Variants in GPM6B observed in about 807,000 individuals in gnomAD.
The protein encoded by GPM6B is neuronal membrane glycoprotein M6-b.
Under a neutral mutation model 27.2 loss-of-function variants are expected in GPM6B, and 4 were observed. The observed-to-expected ratio is 0.15, with a 90% CI of 0.07 to 0.34. The LOEUF is 0.34. Among genes scored for constraint, GPM6B ranks in the 10% least tolerant of loss-of-function variants. The probability of loss-of-function intolerance (pLI) is 1.00; values close to 1 mark genes in which losing one functional copy is unlikely to be tolerated. For missense variants in GPM6B, 183 were observed against 261.9 expected, an observed-to-expected ratio of 0.70 and a Z score of 2.08; for synonymous variants, 124 against 103.1, an observed-to-expected ratio of 1.20 and a Z score of -1.23.
At chrX:13,852,120 A>G (rs1002706696) in intron 1 of GPM6B, among the ~76,000 whole-genome samples, 3 of 110,887 alleles carry the variant, frequency 2.7e-5, no homozygotes, top group Admixed American at 9.6e-5. Context: ...AGAATAGTCA[A>G]TATTTTAGGT....
chrX:13,810,879 A>G lies in GPM6B; in HGVS notation c.62-3110T>C, dbSNP rs577058847. ...TTACAACAGTAAATCTTTAGATATG[A>G]AAGAAAAGAAAAATCACTTCTATTT... On this transcript the variant is annotated intron_variant, in intron 1 of 7. Transcript: ENST00000316715. 3.5e-4 allele frequency among the ~76,000 whole-genome samples: 39 copies of G among 111,977 alleles called. No individual in the cohort carries two copies. The South Asian group carries it at 0.014, about 41-fold the overall frequency.
chrX:13,866,750 A>G (rs554550153), intron 1 of GPM6B, among the ~76,000 whole-genome samples: 11 of 112,179 alleles, frequency 9.8e-5, no homozygotes, highest in South Asian at 7.5e-4. Flanking sequence ...TCCCAAATTG[A>G]TTAGAAGATA....
intron 1 of GPM6B, among the ~76,000 whole-genome samples, chrX:13,866,138 C>T (rs764055882): frequency 1.9e-3 from 215 of 111,553 alleles, no homozygotes; most frequent in African/African-American, 5.9e-3. Context: ...CTGAGGCTGG[C>T]GGATCACCTG....
chrX:13,852,123 T>C (rs1443063940), intron 1 of GPM6B, among the ~76,000 whole-genome samples: 1 of 110,686 alleles, frequency 9.0e-6, no homozygotes, highest in African/African-American at 3.3e-5. Context: ...ATAGTCAATA[T>C]TTTAGGTTTT....
At chrX:13,801,800 G>C (rs771147105) in intron 2 of GPM6B, among the ~76,000 whole-genome samples, 129 of 111,410 alleles carry the variant, frequency 1.2e-3, no homozygotes, top group Non-Finnish European at 2.2e-3. Context: ...TTCACCCCTA[G>C]AGCTGGTCCT....
chrX:13,826,502 C>G (rs966663742), intron 1 of GPM6B, among the ~76,000 whole-genome samples: 1 of 110,621 alleles, frequency 9.0e-6, no homozygotes. Context: ...CCTAGGAGTT[C>G]AAGACCAGCC....
At chrX:13,920,312 A>G (rs1178318345) in intron 1 of GPM6B, among the ~76,000 whole-genome samples, 1 of 79,984 alleles carries the variant, frequency 1.3e-5, no homozygotes, top group Non-Finnish European at 2.9e-5. Flanking sequence ...AAAAAAAAAG[A>G]AAGAAAAATA....
intron 1 of GPM6B, among the ~76,000 whole-genome samples, chrX:13,858,317 A>C (rs1385505562): frequency 1.8e-5 from 2 of 111,746 alleles, no homozygotes; most frequent in Admixed American, 9.5e-5. Flanking sequence ...TCTGAAGTTC[A>C]TAATTCTCAG....
chrX:13,899,405 C>CAAA (rs58085220), intron 1 of GPM6B, among the ~76,000 whole-genome samples: 6 of 36,315 alleles, frequency 1.7e-4, no homozygotes, highest in African/African-American at 4.1e-4. Flanking sequence ...GACTCTGTCT[C>CAAA]AAAAAAAAAA....
At chrX:13,774,964 G>A (rs553095843) in intron 7 of GPM6B, among the ~76,000 whole-genome samples, 1 of 112,013 alleles carries the variant, frequency 8.9e-6, no homozygotes, top group East Asian at 2.8e-4. Context: ...TCAGCAGCAG[G>A]CAGTTATCTT....
intron 1 of GPM6B, among the ~76,000 whole-genome samples, chrX:13,837,829 C>A (rs953939035): frequency 1.8e-4 from 19 of 106,692 alleles, no homozygotes; most frequent in Admixed American, 3.1e-4. Flanking sequence ...TTTGTTGTAG[C>A]AAGCCTTCCC....
At chrX:13,884,089 A>G (rs989020068) in intron 1 of GPM6B, among the ~76,000 whole-genome samples, 3 of 109,238 alleles carry the variant, frequency 2.7e-5, no homozygotes, top group Non-Finnish European at 5.7e-5. Context: ...GAGACAGGAG[A>G]ATGGCTTGAA....
chrX:13,794,111 G>T (rs186995809), intron 2 of GPM6B, among the ~76,000 whole-genome samples: 3 of 111,074 alleles, frequency 2.7e-5, no homozygotes, highest in Non-Finnish European at 5.7e-5. Flanking sequence ...GTTGCCACAG[G>T]TATTTACTAT....
intron 1 of GPM6B, among the ~76,000 whole-genome samples, chrX:13,836,933 A>G (rs960110545): frequency 6.2e-5 from 7 of 112,553 alleles, no homozygotes; most frequent in African/African-American, 2.3e-4. Flanking sequence ...CTTTCCTGCA[A>G]AAAAAATCAA....
intron 1 of GPM6B, among the ~76,000 whole-genome samples, chrX:13,860,439 T>TTTG (rs1491355067): frequency 4.4e-5 from 2 of 45,562 alleles, no homozygotes; most frequent in African/African-American, 3.3e-4. Flanking sequence ...AAACGTGGGG[T>TTTG]TTTTTTTTTT....
intron 1 of GPM6B, among the ~76,000 whole-genome samples, chrX:13,864,349 G>A (rs142146176): frequency 0.017 from 1,953 of 112,731 alleles, 39 homozygotes; most frequent in East Asian, 0.14. Flanking sequence ...TAGAAAGCAC[G>A]TTAGGGGGGA....
chrX:13,931,565 T>G (rs570997964), intron 1 of GPM6B, among the ~76,000 whole-genome samples: 41 of 111,520 alleles, frequency 3.7e-4, no homozygotes, highest in African/African-American at 1.2e-3. Context: ...ACATGGAAGT[T>G]GGTTCTGTTC....
At chrX:13,934,592 G>A (rs1234146362) in intron 1 of GPM6B, among the ~76,000 whole-genome samples, 2 of 111,803 alleles carry the variant, frequency 1.8e-5, no homozygotes, top group Admixed American at 9.5e-5. Flanking sequence ...CATGCACATC[G>A]AAGATGCCAG....
intron 1 of GPM6B, among the ~76,000 whole-genome samples, chrX:13,881,238 C>A (rs1421380001): frequency 8.9e-6 from 1 of 112,292 alleles, no homozygotes; most frequent in Non-Finnish European, 1.9e-5. Context: ...GAACTGGGCA[C>A]GTGGCTCACG....
Sources: allele counts gnomAD v4.1 joint callset (sites outside exome capture counted in the v4.1 genomes callset), GRCh38; gene constraint gnomAD v4.1.1; transcripts MANE v1.5; gene names NCBI Gene and HGNC (gene_info 2026-07-23, HGNC 2026-07-21).